The following DENND1B variants were observed in gnomAD, a reference collection of about 807,000 sequenced individuals.
DENND1B encodes the protein DENN domain-containing protein 1B.
In DENND1B, 59 loss-of-function variants were observed where a neutral mutation model predicts 90.1. That is an observed-to-expected ratio of 0.65 (90% CI 0.53 to 0.81). DENND1B has a LOEUF of 0.81. DENND1B is among the 40% of genes least tolerant of loss of function. DENND1B has a pLI of 0.00. For missense variants in DENND1B, 862 were observed against 912.6 expected (o/e 0.94, Z 0.71); for synonymous variants, 337 against 324.6 (o/e 1.04, Z -0.41).
At position 197,540,944 on chromosome 1, in the gene DENND1B, ATG is replaced by A; in HGVS notation, c.1407+13_1407+14del. 2 of 1,603,068 alleles carry A rather than the reference ATG, an allele frequency of 1.2e-6. No homozygotes were observed. The highest frequency in any genetic ancestry group is 4.5e-5 in the East Asian group (2 of 44,576). On this transcript the variant is annotated intron_variant, in intron 19 of 22. Coordinates refer to ENST00000620048, the MANE Select transcript of DENND1B (RefSeq NM_001195215.2). ...AAGAATCAAGGTAAAATGGAAAAAA[ATG>A]AATATGACATACCTTGTGTTTTAGT...
At chr1:197,592,655 C>G (rs527414760) in intron 14 of DENND1B, among the ~76,000 whole-genome samples, 1 of 151,998 alleles carries the variant, frequency 6.6e-6, no homozygotes, top group South Asian at 2.1e-4. Context: ...TTGGGACATT[C>G]GAAGCCACAG....
chr1:197,762,248 A>G (rs1655161555), intron 2 of DENND1B, among the ~76,000 whole-genome samples: 1 of 151,902 alleles, frequency 6.6e-6, no homozygotes, highest in Non-Finnish European at 1.5e-5. Flanking sequence ...CGAGACAGAC[A>G]CCAAAAGGCT....
intron 15 of DENND1B, among the ~76,000 whole-genome samples, chr1:197,564,653 C>G (rs1477237896): frequency 6.6e-6 from 1 of 151,832 alleles, no homozygotes; most frequent in Non-Finnish European, 1.5e-5. Flanking sequence ...TATCTCTGAG[C>G]TATGAGTAAA....
At chr1:197,613,560 A>G (rs1161942869) in intron 11 of DENND1B, among the ~76,000 whole-genome samples, 1 of 150,790 alleles carries the variant, frequency 6.6e-6, no homozygotes, top group African/African-American at 2.4e-5. Flanking sequence ...CTTCAAAAGG[A>G]AACAGGAGGA....
At chr1:197,643,611 AC>A (rs1416956722) in intron 9 of DENND1B, among the ~76,000 whole-genome samples, 1 of 152,216 alleles carries the variant, frequency 6.6e-6, no homozygotes, top group African/African-American at 2.4e-5. Flanking sequence ...TGCACAACGT[AC>A]CCAAAGGATG....
chr1:197,650,086 A>G (rs921303799), intron 7 of DENND1B, among the ~76,000 whole-genome samples: 21 of 152,218 alleles, frequency 1.4e-4, no homozygotes, highest in Admixed American at 2.6e-4. Flanking sequence ...CAAATGGCCA[A>G]CAAACATGAA....
At chr1:197,729,876 C>T (rs937213207) in intron 2 of DENND1B, among the ~76,000 whole-genome samples, 7 of 152,238 alleles carry the variant, frequency 4.6e-5, no homozygotes, top group Middle Eastern at 3.4e-3. Context: ...GTACACACTT[C>T]ATTAGTCATC....
intron 2 of DENND1B, among the ~76,000 whole-genome samples, chr1:197,768,784 G>A (rs542597436): frequency 6.6e-6 from 1 of 151,760 alleles, no homozygotes; most frequent in East Asian, 1.9e-4. Flanking sequence ...CCCTCTTATG[G>A]CATTTTTTTA....
chr1:197,554,578 G>C (rs758203580), intron 15 of DENND1B, among the ~76,000 whole-genome samples: 1 of 151,978 alleles, frequency 6.6e-6, no homozygotes, highest in East Asian at 1.9e-4. Flanking sequence ...GGTGGCTCAC[G>C]CCTGTAATAC....
In DENND1B at chr1:197,671,990, G is replaced by A. The variant is rs780080629; in HGVS notation, c.296+47C>T. On this transcript the variant is annotated intron_variant, in intron 5 of 22. Transcript: ENST00000620048. ...CAAGCATAACAAAGTACAATAGAGA[G>A]ATAGTTACCTATTTTGCATCTAATT... The A allele has an allele frequency of 1.9e-6, 3 of 1,584,770 alleles. No homozygotes were observed. The South Asian group carries it at 3.5e-5, about 18-fold the overall frequency.
At chr1:197,731,079 AG>A (rs1159480412) in intron 2 of DENND1B, among the ~76,000 whole-genome samples, 1 of 152,158 alleles carries the variant, frequency 6.6e-6, no homozygotes, top group Non-Finnish European at 1.5e-5. Context: ...GAAAGTTTCG[AG>A]GAATAGCAGA....
chr1:197,713,801 TTATAA>T (rs1176907709), intron 3 of DENND1B, among the ~76,000 whole-genome samples: 1 of 32,602 alleles, frequency 3.1e-5, no homozygotes, highest in Non-Finnish European at 5.8e-5. Flanking sequence ...TATTATTATA[TTATAA>T]TATATTATAT....
At position 197,557,651 on chromosome 1, in the gene DENND1B, C is replaced by T. The variant is rs148455084; in HGVS notation, c.1150-4539G>A. Among the ~76,000 whole-genome samples the T allele has an allele frequency of 8.6e-4, 131 of 151,966 alleles. 1 individual carries two copies. Among genetic ancestry groups the T allele is most frequent in the East Asian group, 6.4e-3 (33 of 5,172 alleles). On this transcript the variant is annotated intron_variant, in intron 15 of 22. Coordinates refer to ENST00000620048, the MANE Select transcript of DENND1B (RefSeq NM_001195215.2). ...ACAAAAGATTGATTTCATGCATATA[C>T]ATACATATATTATATGTAGATGCAT...
At chr1:197,715,556 G>A (rs982212835) in intron 2 of DENND1B, among the ~76,000 whole-genome samples, 1 of 151,714 alleles carries the variant, frequency 6.6e-6, no homozygotes, top group East Asian at 1.9e-4. Flanking sequence ...TACAAAAACT[G>A]TAATAATATT....
intron 5 of DENND1B, among the ~76,000 whole-genome samples, chr1:197,662,486 A>C (rs1219704701): frequency 6.6e-6 from 1 of 152,106 alleles, no homozygotes; most frequent in African/African-American, 2.4e-5. Flanking sequence ...ACCCTAATCA[A>C]CCTGAGTAAT....
At chr1:197,570,418 T>C (rs1673049998) in intron 15 of DENND1B, among the ~76,000 whole-genome samples, 1 of 152,122 alleles carries the variant, frequency 6.6e-6, no homozygotes, top group East Asian at 1.9e-4. Flanking sequence ...AATATAGTTA[T>C]CCAAGGCCCA....
Position 197,671,329 on chromosome 1 carries a change from A to C in DENND1B, c.296+708T>G, listed in dbSNP as rs188517679. On this transcript the variant is annotated intron_variant, in intron 5 of 22. Coordinates refer to ENST00000620048, the MANE Select transcript of DENND1B (RefSeq NM_001195215.2). ...CTTTCTTCCTAACAGTCAGCAACTCAGATCCCAAGTCCACAGGCAGGAGAC... is the reference window on the plus strand; with the variant it reads ...CTTTCTTCCTAACAGTCAGCAACTCCGATCCCAAGTCCACAGGCAGGAGAC... 1.7e-3 allele frequency among the ~76,000 whole-genome samples: 253 copies of C among 152,272 alleles called. 1 individual carries two copies. Among genetic ancestry groups the C allele is most frequent in the Middle Eastern group, 6.8e-3 (2 of 294 alleles).
chr1:197,735,806 G>A (rs1350297310), intron 2 of DENND1B: 9 of 1,608,736 alleles, frequency 5.6e-6, no homozygotes, highest in Middle Eastern at 1.7e-4. Flanking sequence ...TCTACAGAAA[G>A]AAGCACAAAA....
At chr1:197,767,966 C>A (rs991780325) in intron 2 of DENND1B, among the ~76,000 whole-genome samples, 1 of 152,174 alleles carries the variant, frequency 6.6e-6, no homozygotes. Flanking sequence ...GACTACCCTG[C>A]GCAAGTTTCA....
Sources: gnomAD v4.1 joint callset for allele counts (sites outside exome capture counted in the v4.1 genomes callset) on GRCh38, gnomAD v4.1.1 for gene constraint, MANE v1.5 for transcripts, NCBI Gene and HGNC (gene_info 2026-07-23, HGNC 2026-07-21) for gene names.